Variants in EMSY observed in about 807,000 individuals in gnomAD.
EMSY encodes EMSY transcriptional repressor, BRCA2 interacting, also known as BRCA2-interacting transcriptional repressor EMSY.
In EMSY, 26 loss-of-function variants were observed where a neutral mutation model predicts 134.6. The ratio of observed to expected loss-of-function variants is 0.19; its 90% CI spans 0.14 to 0.27. EMSY has a LOEUF of 0.27. Ranked by LOEUF, EMSY falls within the 10% of genes least tolerant of loss-of-function variation. EMSY has a pLI of 1.00. For missense variants in EMSY, 1,305 were observed against 1,611.4 expected, an observed-to-expected ratio of 0.81 and a Z score of 3.26; for synonymous variants, 579 against 577.8, an observed-to-expected ratio of 1.00 and a Z score of -0.03.
At chr11:76,488,504 GC>G (rs1949282095) in intron 8 of EMSY, among the ~76,000 whole-genome samples, 1 of 149,980 alleles carries the variant, frequency 6.7e-6, no homozygotes, top group Non-Finnish European at 1.5e-5. Context: ...TTGTTACAGA[GC>G]CCATGGATTA....
intron 8 of EMSY, among the ~76,000 whole-genome samples, chr11:76,492,119 A>T (rs185081572): frequency 5.3e-5 from 8 of 152,360 alleles, no homozygotes; most frequent in Admixed American, 5.2e-4. Context: ...ATTCAGAAAG[A>T]TTAAGTACTT....
chr11:76,539,735 G>C (rs1951362483), intron 17 of EMSY, 95 bp downstream of exon 18: 2 of 1,198,126 alleles, frequency 1.7e-6, no homozygotes, highest in Non-Finnish European at 2.5e-6. Flanking sequence ...CTCTCATCTG[G>C]TAGAGGAAAG....
chr11:76,490,433 C>T (rs1253401483), intron 8 of EMSY, among the ~76,000 whole-genome samples: 4 of 152,036 alleles, frequency 2.6e-5, no homozygotes, highest in Non-Finnish European at 4.4e-5. Flanking sequence ...TGTGGGATGA[C>T]GAGAGGCGGA....
intron 5 of EMSY, 139 bp downstream of exon 6, chr11:76,458,497 C>A: frequency 1.2e-5 from 10 of 864,798 alleles, no homozygotes; most frequent in Non-Finnish European, 1.6e-5. Flanking sequence ...AACTCTAATT[C>A]TGAAATTAGA....
intron 8 of EMSY, among the ~76,000 whole-genome samples, chr11:76,490,316 G>C: frequency 6.6e-6 from 1 of 151,862 alleles, no homozygotes; most frequent in Non-Finnish European, 1.5e-5. Flanking sequence ...TGTTCTTGAA[G>C]TTGACCTGTG....
chr11:76,472,356 T>C (rs186294406), intron 7 of EMSY, among the ~76,000 whole-genome samples: 2 of 152,324 alleles, frequency 1.3e-5, no homozygotes, highest in Admixed American at 1.3e-4. Context: ...TCTTTTAAAA[T>C]ATTTGATTTG....
chr11:76,450,794 A>AGTT (rs1947631718), intron 2 of EMSY, among the ~76,000 whole-genome samples: 1 of 135,936 alleles, frequency 7.4e-6, no homozygotes. Context: ...GCCTGGCCAG[A>AGTT]TTTTTTTTTT....
chr11:76,522,548 T>G (rs1000210394), intron 11 of EMSY, among the ~76,000 whole-genome samples: 1 of 151,936 alleles, frequency 6.6e-6, no homozygotes, highest in Admixed American at 6.6e-5. Context: ...TTTTGTATTT[T>G]TAGTAGAGAT....
exon 21 of EMSY, chr11:76,550,425 C>T (rs903543809): frequency 6.9e-5 from 17 of 245,922 alleles, no homozygotes; most frequent in East Asian, 7.7e-5. Context: ...GGATCATGGC[C>T]GGTGAAACAG....
exon 2 of EMSY, chr11:76,446,963 C>T: frequency 6.2e-7 from 1 of 1,613,634 alleles, no homozygotes; most frequent in South Asian, 1.1e-5. Flanking sequence ...GCCAACCCTT[C>T]TGGATCTCAG....
chr11:76,492,099 A>G (rs938794434), intron 8 of EMSY, among the ~76,000 whole-genome samples: 4 of 152,236 alleles, frequency 2.6e-5, no homozygotes, highest in Non-Finnish European at 5.9e-5. Flanking sequence ...TTTTTATTGA[A>G]TAAATAAATA....
chr11:76,523,324 T>C, intron 12 of EMSY, 33 bp downstream of exon 13: 1 of 1,593,282 alleles, frequency 6.3e-7, no homozygotes, highest in Non-Finnish European at 8.5e-7. Context: ...GACTTAGCAA[T>C]TCACAGAGGA....
intron 11 of EMSY, among the ~76,000 whole-genome samples, chr11:76,518,684 C>CATATATATATATATATATAT (rs796392038): frequency 1.6e-4 from 20 of 121,610 alleles, no homozygotes; most frequent in South Asian, 6.0e-4. Context: ...TGTGTGCGCG[C>CATATATATATATATATATAT]ATATATATAT....
chr11:76,457,644 CTTCTG>C (rs915428084), intron 4 of EMSY, among the ~76,000 whole-genome samples: 20 of 152,260 alleles, frequency 1.3e-4, no homozygotes, highest in Admixed American at 5.9e-4. Flanking sequence ...ATACAGCACT[CTTCTG>C]TTCTTTTCTA....
intron 10 of EMSY, among the ~76,000 whole-genome samples, chr11:76,513,988 A>G (rs1221974898): frequency 3.3e-5 from 5 of 152,140 alleles, no homozygotes; most frequent in Non-Finnish European, 7.4e-5. Flanking sequence ...ACAGTTTAGT[A>G]AGCGTTACTG....
exon 2 of EMSY, chr11:76,446,966 G>T: frequency 6.2e-7 from 1 of 1,613,694 alleles, no homozygotes. Context: ...AACCCTTCTG[G>T]ATCTCAGCAG....
chr11:76,458,417 T>G, intron 5 of EMSY, 59 bp downstream of exon 6: 1 of 1,464,876 alleles, frequency 6.8e-7, no homozygotes, highest in Non-Finnish European at 9.1e-7. Flanking sequence ...TCAAGAAAAT[T>G]TCAAGAAAAG....
At chr11:76,457,580 T>C (rs1333095426) in intron 4 of EMSY, among the ~76,000 whole-genome samples, 6 of 152,132 alleles carry the variant, frequency 3.9e-5, no homozygotes, top group Non-Finnish European at 7.4e-5. Context: ...ATCTAGTCTG[T>C]TTTTAACAGG....
intron 9 of EMSY, 47 bp downstream of exon 10, chr11:76,496,516 C>G: frequency 6.2e-7 from 1 of 1,600,212 alleles, no homozygotes; most frequent in Non-Finnish European, 8.5e-7. Flanking sequence ...CTTTATTCAC[C>G]AGTTTTTTTA....
Sources: allele counts gnomAD v4.1 joint callset (sites outside exome capture counted in the v4.1 genomes callset), GRCh38; gene constraint gnomAD v4.1.1; transcripts MANE v1.5; gene names NCBI Gene and HGNC (gene_info 2026-07-23, HGNC 2026-07-21).